Variants in PHACTR4 observed in about 807,000 individuals in gnomAD.
PHACTR4 encodes the protein phosphatase and actin regulator 4.
Under a neutral mutation model 72.7 loss-of-function variants are expected in PHACTR4, and 51 were observed. The observed-to-expected ratio is 0.70, with a 90% CI of 0.56 to 0.89. The LOEUF is 0.89. PHACTR4 is among the 40% of genes least tolerant of loss of function. PHACTR4 has a pLI of 0.00. For synonymous variants in PHACTR4, 255 were observed against 302.5 expected, an observed-to-expected ratio of 0.84 and a Z score of 1.63; for missense variants, 731 against 861.8, an observed-to-expected ratio of 0.85 and a Z score of 1.90.
Position 28,384,208 on chromosome 1 carries a change from A to G in PHACTR4, c.-39+14383A>G, listed in dbSNP as rs562027735. 2.0e-5 allele frequency among the ~76,000 whole-genome samples: 3 copies of G among 152,108 alleles called. No individual in the cohort carries two copies. In the South Asian group the frequency reaches 6.2e-4, roughly 32 times the overall value. On this transcript the variant is annotated intron_variant, in intron 1 of 13. Coordinates refer to ENST00000373839, the MANE Select transcript of PHACTR4 (RefSeq NM_001048183.3). ...AGTTAGGAAGGAGTCCCTCCTCTTC[A>G]TTCTTTTGGAATGGTTTCAGCAGGA... is the stretch of plus-strand genomic sequence containing the variant.
chr1:28,393,130 G>C (rs1205102472), intron 1 of PHACTR4, among the ~76,000 whole-genome samples: 1 of 149,322 alleles, frequency 6.7e-6, no homozygotes, highest in Non-Finnish European at 1.5e-5. Flanking sequence ...TTTACACACC[G>C]TAACTATATA....
intron 9 of PHACTR4, among the ~76,000 whole-genome samples, chr1:28,484,717 C>T (rs1329392922): frequency 6.6e-6 from 1 of 151,620 alleles, no homozygotes; most frequent in Non-Finnish European, 1.5e-5. Context: ...CCTGTAATCC[C>T]AGCACTTTGG....
rs1020215758 is a variant in PHACTR4, at chr1:28,398,540, C to T, written c.-38-8870C>T. On this transcript the variant is annotated intron_variant, in intron 1 of 13. Coordinates refer to ENST00000373839, the MANE Select transcript of PHACTR4 (RefSeq NM_001048183.3). ...CCCTGTCTCAAAAAATAAAATAGGC[C>T]GAGCACGGTGGCTCATGCCTGTAAT... Among the ~76,000 whole-genome samples, 7 of 150,084 alleles carry T rather than the reference C, an allele frequency of 4.7e-5. No homozygotes were observed. The South Asian group carries it at 8.4e-4, about 18-fold the overall frequency.
chr1:28,402,934 T>G (rs547875757), intron 1 of PHACTR4, among the ~76,000 whole-genome samples: 1 of 152,306 alleles, frequency 6.6e-6, no homozygotes, highest in African/African-American at 2.4e-5. Flanking sequence ...TTGGAAGAGT[T>G]CAGTATAATC....
chr1:28,433,511 G>A (rs1656423053), intron 2 of PHACTR4, among the ~76,000 whole-genome samples: 1 of 140,768 alleles, frequency 7.1e-6, no homozygotes, highest in Non-Finnish European at 1.5e-5. Flanking sequence ...AGGCTGGAGT[G>A]CACTGGCACA....
chr1:28,460,197 C>A lies in PHACTR4; in HGVS notation c.191-15C>A. ...CTGTCACATTTCTGAGTGCCATTTT[C>A]CAATTTAATGTTAGTTTTAGAACGG... On this transcript the variant is annotated splice_polypyrimidine_tract_variant and intron_variant, in intron 3 of 13. Transcript: ENST00000373839. The A allele has an allele frequency of 6.3e-7, 1 of 1,597,808 alleles. No homozygotes were observed. The highest frequency in any genetic ancestry group is 8.6e-7 in the Non-Finnish European group (1 of 1,166,456).
intron 2 of PHACTR4, among the ~76,000 whole-genome samples, chr1:28,434,523 T>G (rs2124388382): frequency 6.6e-6 from 1 of 152,066 alleles, no homozygotes; most frequent in East Asian, 1.9e-4. Context: ...GATTTCACCA[T>G]GTTGGCCAAG....
At chr1:28,386,800 G>A (rs79005050) in intron 1 of PHACTR4, among the ~76,000 whole-genome samples, 3,036 of 152,154 alleles carry the variant, frequency 0.02, 97 homozygotes, top group African/African-American at 0.069. Flanking sequence ...TTTAAAATCT[G>A]CACTTTATAT....
chr1:28,388,803 T>C (rs1652778211), intron 1 of PHACTR4, among the ~76,000 whole-genome samples: 1 of 151,954 alleles, frequency 6.6e-6, no homozygotes, highest in Admixed American at 6.6e-5. Context: ...TGAGCTGAGA[T>C]CATGCCATTG....
intron 7 of PHACTR4, 88 bp downstream of exon 7, chr1:28,474,239 G>A (rs949905689): frequency 1.4e-4 from 182 of 1,283,500 alleles, no homozygotes; most frequent in Non-Finnish European, 1.8e-4. Flanking sequence ...GAAAATGTGG[G>A]CCGGGCCTAG....
chr1:28,470,573 A>G (rs1339809057), intron 6 of PHACTR4, among the ~76,000 whole-genome samples: 8 of 151,586 alleles, frequency 5.3e-5, no homozygotes, highest in African/African-American at 1.7e-4. Context: ...GCACATGCCT[A>G]TGGTCCCAGC....
intron 1 of PHACTR4, among the ~76,000 whole-genome samples, chr1:28,377,691 C>T (rs1319566689): frequency 2.0e-5 from 3 of 152,022 alleles, no homozygotes; most frequent in Non-Finnish European, 4.4e-5. Flanking sequence ...GTTAGCTTGG[C>T]ATGTGGCACG....
rs534009343 is a variant in PHACTR4, at chr1:28,410,421, A to C, written c.16+2958A>C. On this transcript the variant is annotated intron_variant, in intron 2 of 13. Transcript: ENST00000373839. ...GACAACTCCGTAGGTTTGTACTGGAAACCTAAGTTTTCATTCTGAGTGACC... is the reference window on the plus strand; with the variant it reads ...GACAACTCCGTAGGTTTGTACTGGACACCTAAGTTTTCATTCTGAGTGACC... 5.9e-5 allele frequency among the ~76,000 whole-genome samples: 9 copies of C among 152,334 alleles called. No individual in the cohort carries two copies. In the East Asian group the frequency reaches 1.4e-3, roughly 23 times the overall value.
At position 28,369,933 on chromosome 1, in the gene PHACTR4, G is replaced by C. The variant is rs146255405; in HGVS notation, c.-39+108G>C. ...TGGCTCTGCGAGAGGGTCCCGGTCC[G>C]GGCAGAAGGTAACGGCCCGGGTCGC... On this transcript the variant is annotated intron_variant, in intron 1 of 13. Transcript: ENST00000373839. The C allele has an allele frequency of 4.3e-4, 158 of 364,370 alleles. 1 individual carries two copies. The highest frequency in any genetic ancestry group is 3.1e-3 in the East Asian group (23 of 7,518). 22.6% of individuals were successfully genotyped at this position (364,370 alleles called of 1,614,324 possible).
intron 1 of PHACTR4, 146 bp from the exon 2 acceptor site, chr1:28,407,264 A>AAAAG (rs146400683): frequency 1.6e-5 from 6 of 369,794 alleles, no homozygotes; most frequent in Non-Finnish European, 1.9e-5. Flanking sequence ...AAAAAAAAAA[A>AAAAG]CTATCATTTA....
chr1:28,440,165 G>A (rs1656903511), intron 2 of PHACTR4, among the ~76,000 whole-genome samples: 1 of 151,398 alleles, frequency 6.6e-6, no homozygotes, highest in South Asian at 2.1e-4. Context: ...AGCTGGGCGT[G>A]GTGGCGGGCG....
At chr1:28,423,113 C>T (rs1009307952) in intron 2 of PHACTR4, among the ~76,000 whole-genome samples, 1 of 151,528 alleles carries the variant, frequency 6.6e-6, no homozygotes, top group East Asian at 2.0e-4. Context: ...TCTTAACTAC[C>T]TTAGAGAGTA....
chr1:28,383,207 A>G (rs1471463740), intron 1 of PHACTR4, among the ~76,000 whole-genome samples: 2 of 151,934 alleles, frequency 1.3e-5, no homozygotes, highest in East Asian at 1.9e-4. Flanking sequence ...ATTCTGTTCT[A>G]TTGGTCTATG....
chr1:28,429,565 G>A (rs763348467), intron 2 of PHACTR4, among the ~76,000 whole-genome samples: 3 of 152,246 alleles, frequency 2.0e-5, no homozygotes, highest in Non-Finnish European at 2.9e-5. Flanking sequence ...GAATATAGTG[G>A]ATGAATATTC....
Sources: allele counts gnomAD v4.1 joint callset (sites outside exome capture counted in the v4.1 genomes callset), GRCh38; gene constraint gnomAD v4.1.1; transcripts MANE v1.5; gene names NCBI Gene and HGNC (gene_info 2026-07-23, HGNC 2026-07-21).